Variants in KCNIP4 observed in about 807,000 individuals in gnomAD.
The protein encoded by KCNIP4 is Kv channel-interacting protein 4.
In KCNIP4, 12 loss-of-function variants were observed where a neutral mutation model predicts 34.0. That is an observed-to-expected ratio of 0.35 (90% CI 0.23 to 0.57). The LOEUF (loss-of-function observed/expected upper bound fraction) is 0.57, where lower values mean the gene tolerates loss of function less well. Ranked by LOEUF, KCNIP4 falls within the 20% of genes least tolerant of loss-of-function variation. KCNIP4 has a pLI of 0.83. For missense variants in KCNIP4, 238 were observed against 311.7 expected (o/e 0.76, Z 1.78); for synonymous variants, 124 against 102.2 (o/e 1.21, Z -1.29).
chr4:20,753,870 T>C (rs564918937), intron 4 of KCNIP4, among the ~76,000 whole-genome samples: 1 of 151,974 alleles, frequency 6.6e-6, no homozygotes, highest in East Asian at 1.9e-4. Context: ...GCTTAAAAAA[T>C]GTTTATTGAC....
chr4:21,120,733 C>A (rs1351126412), intron 1 of KCNIP4, among the ~76,000 whole-genome samples: 1 of 152,166 alleles, frequency 6.6e-6, no homozygotes, highest in Non-Finnish European at 1.5e-5. Flanking sequence ...TCCCTAAATA[C>A]CTGGGGATTA....
intron 1 of KCNIP4, among the ~76,000 whole-genome samples, chr4:21,361,628 A>G (rs1462940715): frequency 6.6e-6 from 1 of 151,968 alleles, no homozygotes; most frequent in Non-Finnish European, 1.5e-5. Flanking sequence ...AACTAGTTAC[A>G]ATTTTTAAGC....
In KCNIP4 at chr4:21,539,848, G is replaced by C. The variant is rs560834942; in HGVS notation, c.61+408723C>G. 5.9e-5 allele frequency among the ~76,000 whole-genome samples: 9 copies of C among 151,980 alleles called. No individual in the cohort carries two copies. In the East Asian group the frequency reaches 1.7e-3, roughly 30 times the overall value. On this transcript the variant is annotated intron_variant, in intron 1 of 8. Coordinates refer to ENST00000382152, the MANE Select transcript of KCNIP4 (RefSeq NM_025221.6). ...ACACAAATTAGCTGGGCATGGTGGC[G>C]GGCACCTGTAATCCCAGCTACTCGG...
At chr4:21,353,047 C>A (rs949042181) in intron 1 of KCNIP4, among the ~76,000 whole-genome samples, 4 of 152,162 alleles carry the variant, frequency 2.6e-5, no homozygotes, top group African/African-American at 7.2e-5. Context: ...AGACCTGCAG[C>A]TGAGGGATCT....
chr4:20,828,646 G>T (rs1718057203), intron 3 of KCNIP4, among the ~76,000 whole-genome samples: 1 of 152,198 alleles, frequency 6.6e-6, no homozygotes, highest in South Asian at 2.1e-4. Context: ...CCAAAGCTGA[G>T]TCGCTCACTC....
At chr4:21,274,307 CA>C (rs1485051445) in intron 1 of KCNIP4, among the ~76,000 whole-genome samples, 2 of 152,090 alleles carry the variant, frequency 1.3e-5, no homozygotes, top group Non-Finnish European at 2.9e-5. Flanking sequence ...AATATGTTTT[CA>C]AGATGTGTAC....
chr4:20,809,877 G>A (rs1715511281), intron 3 of KCNIP4, among the ~76,000 whole-genome samples: 1 of 152,128 alleles, frequency 6.6e-6, no homozygotes, highest in South Asian at 2.1e-4. Flanking sequence ...TCAGCATGTT[G>A]AAACTCAGAC....
chr4:21,532,968 G>A (rs868569846), intron 1 of KCNIP4, among the ~76,000 whole-genome samples: 7 of 133,674 alleles, frequency 5.2e-5, no homozygotes, highest in Non-Finnish European at 1.1e-4. Flanking sequence ...ATTAATTAAA[G>A]AGAAAATACA....
chr4:21,258,322 T>A (rs995356481), intron 1 of KCNIP4, among the ~76,000 whole-genome samples: 4 of 152,178 alleles, frequency 2.6e-5, no homozygotes, highest in Non-Finnish European at 5.9e-5. Context: ...TCAATACATA[T>A]TTAATGACTA....
chr4:21,496,886 T>C (rs1362917596), intron 1 of KCNIP4, among the ~76,000 whole-genome samples: 1 of 152,060 alleles, frequency 6.6e-6, no homozygotes, highest in Non-Finnish European at 1.5e-5. Context: ...CCCCAAACCA[T>C]CCCCGCCCTG....
chr4:20,838,263 G>A (rs925855873), intron 3 of KCNIP4, among the ~76,000 whole-genome samples: 2 of 152,134 alleles, frequency 1.3e-5, no homozygotes, highest in Admixed American at 6.5e-5. Flanking sequence ...ATTTCTAAAT[G>A]CTGGTTCTTC....
intron 1 of KCNIP4, among the ~76,000 whole-genome samples, chr4:21,205,684 A>AT (rs1756805811): frequency 6.6e-6 from 1 of 152,204 alleles, no homozygotes; most frequent in Admixed American, 6.5e-5. Flanking sequence ...ATGCAGTCTT[A>AT]TCTCCATTTT....
At chr4:21,860,335 T>C (rs1371529571) in intron 1 of KCNIP4, among the ~76,000 whole-genome samples, 1 of 152,084 alleles carries the variant, frequency 6.6e-6, no homozygotes, top group East Asian at 1.9e-4. Flanking sequence ...GGTTTCACTA[T>C]GTTAGCCAGG....
intron 1 of KCNIP4, among the ~76,000 whole-genome samples, chr4:21,124,051 A>AC (rs1196723126): frequency 8.4e-4 from 127 of 151,910 alleles, no homozygotes; most frequent in African/African-American, 2.8e-3. Context: ...AACAAAAAAA[A>AC]AACAACAAAA....
chr4:20,790,904 G>T (rs1398244997), intron 3 of KCNIP4, among the ~76,000 whole-genome samples: 2 of 152,160 alleles, frequency 1.3e-5, no homozygotes, highest in Non-Finnish European at 2.9e-5. Flanking sequence ...AGAAAAGAGA[G>T]AGAGAGAGAT....
intron 1 of KCNIP4, among the ~76,000 whole-genome samples, chr4:21,577,301 C>G (rs781249540): frequency 9.9e-5 from 15 of 152,136 alleles, no homozygotes; most frequent in Non-Finnish European, 1.8e-4. Context: ...CATGATCTGG[C>G]CTTGCACAAC....
chr4:20,878,574 C>T lies in KCNIP4; in HGVS notation c.163+4034G>A, dbSNP rs918405870. Among the ~76,000 whole-genome samples the T allele has an allele frequency of 3.9e-5, 6 of 152,230 alleles. No individual in the cohort carries two copies. In the East Asian group the frequency reaches 1.2e-3, roughly 29 times the overall value. On this transcript the variant is annotated intron_variant, in intron 2 of 8. Transcript: ENST00000382152. ...TATTCTCTCTCTTCCTACATAAGCT[C>T]CAGGAAGGTAGTAAACTGTGTTCCA...
chr4:21,095,422 T>C (rs1314697759), intron 1 of KCNIP4, among the ~76,000 whole-genome samples: 1 of 152,218 alleles, frequency 6.6e-6, no homozygotes, highest in Admixed American at 6.5e-5. Context: ...TTAACCTCTT[T>C]TTTGCCCGTC....
intron 1 of KCNIP4, among the ~76,000 whole-genome samples, chr4:21,859,760 G>A (rs868137215): frequency 6.6e-6 from 1 of 152,178 alleles, no homozygotes; most frequent in Non-Finnish European, 1.5e-5. Context: ...AGGGAGTGGC[G>A]GCTCATGCCT....
Sources: gnomAD v4.1 joint callset for allele counts (sites outside exome capture counted in the v4.1 genomes callset) on GRCh38, gnomAD v4.1.1 for gene constraint, MANE v1.5 for transcripts, NCBI Gene and HGNC (gene_info 2026-07-23, HGNC 2026-07-21) for gene names.